DHX35: variants seen among roughly 807,000 people sequenced by gnomAD.
The protein encoded by DHX35 is probable ATP-dependent RNA helicase DHX35.
A neutral mutation model predicts 99.6 loss-of-function variants in DHX35; 84 were observed. The ratio of observed to expected loss-of-function variants is 0.84; its 90% CI spans 0.71 to 1.01. The LOEUF is 1.01. Among genes scored for constraint, DHX35 ranks in the 50% least tolerant of loss-of-function variants. The pLI, the probability that DHX35 is intolerant of heterozygous loss-of-function variation, is 0.00. For missense variants in DHX35, 852 were observed against 888.5 expected (o/e 0.96, Z 0.52); for synonymous variants, 331 against 316.2 (o/e 1.05, Z -0.50).
At chr20:39,010,595 ATTC>A (rs2086687716) in intron 13 of DHX35, among the ~76,000 whole-genome samples, 191 bp downstream of exon 13, 2 of 152,190 alleles carry the variant, frequency 1.3e-5, no homozygotes, top group Non-Finnish European at 2.9e-5. Flanking sequence ...CTCAATTCCT[ATTC>A]TTACATAGTT....
At chr20:39,025,996 C>G (rs893541450) in intron 18 of DHX35, among the ~76,000 whole-genome samples, 2 of 152,134 alleles carry the variant, frequency 1.3e-5, no homozygotes, top group Non-Finnish European at 2.9e-5. Flanking sequence ...AGATTAAATT[C>G]AGGACCACGC....
At chr20:38,962,516 G>A in intron 1 of DHX35, 109 bp downstream of exon 1, 2 of 1,384,556 alleles carry the variant, frequency 1.4e-6, no homozygotes, top group Non-Finnish European at 2.0e-6. Context: ...TGACCTCGGC[G>A]AGCTGGGCGC....
chr20:39,010,539 C>A, intron 13 of DHX35, 135 bp downstream of exon 13: 1 of 1,261,642 alleles, frequency 7.9e-7, no homozygotes, highest in Admixed American at 2.7e-5. Flanking sequence ...TGCTTTGCAA[C>A]CAGGCCCTGT....
chr20:38,975,037 G>A (rs1441749194), intron 3 of DHX35, among the ~76,000 whole-genome samples: 1 of 152,172 alleles, frequency 6.6e-6, no homozygotes, highest in Non-Finnish European at 1.5e-5. Flanking sequence ...ACAATGTGTT[G>A]TTGACTGTTT....
chr20:38,984,578 A>G (rs1403195400), intron 4 of DHX35, among the ~76,000 whole-genome samples: 1 of 152,234 alleles, frequency 6.6e-6, no homozygotes, highest in Non-Finnish European at 1.5e-5. Context: ...GTAAGAAAAA[A>G]GAGTACAAAA....
intron 1 of DHX35, among the ~76,000 whole-genome samples, chr20:38,963,614 T>C (rs1265659617): frequency 6.6e-6 from 1 of 152,240 alleles, no homozygotes; most frequent in Non-Finnish European, 1.5e-5. Context: ...GTGAAAGTGT[T>C]AGGTATAATA....
chr20:39,034,596 T>C (rs2087116221), intron 21 of DHX35, among the ~76,000 whole-genome samples: 1 of 125,764 alleles, frequency 8.0e-6, no homozygotes, highest in Non-Finnish European at 1.7e-5. Context: ...AACTATTTTT[T>C]TTTTTTTTTT....
Position 38,988,913 on chromosome 20 carries a change from T to C in DHX35, c.446T>C (p.Ile149Thr). ...DDCTDQLATR[I>T]KFLTDGMLVR... The stretch of plus-strand genomic sequence containing the variant: ...TGCACCGACCAGCTGGCCACGAGAA[T>C]TAAGGTAAAGTGCTCAAGCTGCTTT... The change falls in exon 5 of 22, where the codon ATT becomes ACT. Residue 149 changes from isoleucine to threonine, a missense_variant. Transcript: ENST00000252011. The C allele has an allele frequency of 6.2e-7, 1 of 1,612,398 alleles. No individual in the cohort carries two copies.
chr20:39,011,700 T>G (rs961695091), intron 13 of DHX35, among the ~76,000 whole-genome samples: 1 of 152,240 alleles, frequency 6.6e-6, no homozygotes, highest in African/African-American at 2.4e-5. Context: ...TAATACATAT[T>G]CTCTCATATT....
intron 1 of DHX35, among the ~76,000 whole-genome samples, chr20:38,968,636 C>T (rs1257677084): frequency 1.3e-5 from 2 of 152,138 alleles, no homozygotes; most frequent in African/African-American, 2.4e-5. Context: ...CAACCCCTGC[C>T]TCCTGGATTC....
At chr20:38,975,965 A>G (rs2086069294) in intron 3 of DHX35, among the ~76,000 whole-genome samples, 1 of 152,204 alleles carries the variant, frequency 6.6e-6, no homozygotes, top group African/African-American at 2.4e-5. Context: ...ATTTGGAACA[A>G]TGATAAATAT....
At chr20:38,989,697 G>T (rs1285553588) in intron 5 of DHX35, among the ~76,000 whole-genome samples, 2 of 152,096 alleles carry the variant, frequency 1.3e-5, no homozygotes, top group Admixed American at 1.3e-4. Context: ...TAGAATTCAT[G>T]AATGTTGTTT....
At chr20:38,971,549 A>T (rs1275656247) in intron 2 of DHX35, among the ~76,000 whole-genome samples, 1 of 152,070 alleles carries the variant, frequency 6.6e-6, no homozygotes, top group Non-Finnish European at 1.5e-5. Context: ...AGTCTTATAA[A>T]TGCCTCCTGA....
intron 3 of DHX35, among the ~76,000 whole-genome samples, chr20:38,977,051 T>C (rs367699340): frequency 6.6e-6 from 1 of 152,204 alleles, no homozygotes. Flanking sequence ...TTGTGAATAG[T>C]GATGGGAGTG....
chr20:38,977,912 C>A, intron 3 of DHX35: 1 of 584,122 alleles, frequency 1.7e-6, no homozygotes, highest in South Asian at 1.5e-5. Flanking sequence ...TCTTCAGTTT[C>A]CTCATCATCA....
At chr20:39,006,467 T>TGTGAGGAAGG in intron 12 of DHX35, 111 bp downstream of exon 12, 1 of 1,126,526 alleles carries the variant, frequency 8.9e-7, no homozygotes, top group Non-Finnish European at 1.3e-6. Flanking sequence ...ATACAGGCCT[T>TGTGAGGAAGG]CCTCACAAGG....
At chr20:39,022,258 A>G (rs767023160) in intron 16 of DHX35, among the ~76,000 whole-genome samples, 16 of 152,130 alleles carry the variant, frequency 1.1e-4, no homozygotes, top group East Asian at 7.7e-4. Context: ...TCTGCCTCCC[A>G]GGTTCAAGTG....
intron 10 of DHX35, among the ~76,000 whole-genome samples, chr20:39,003,422 T>C (rs1455933232): frequency 6.6e-6 from 1 of 152,250 alleles, no homozygotes; most frequent in Non-Finnish European, 1.5e-5. Flanking sequence ...GCAACTTGTC[T>C]ATATGCATGA....
intron 20 of DHX35, among the ~76,000 whole-genome samples, chr20:39,032,718 T>A (rs2087076207): frequency 6.6e-6 from 1 of 152,098 alleles, no homozygotes; most frequent in Admixed American, 6.6e-5. Context: ...CCATGCCAAG[T>A]CCCATTCAAT....
Sources: gnomAD v4.1 joint callset for allele counts (sites outside exome capture counted in the v4.1 genomes callset) on GRCh38, gnomAD v4.1.1 for gene constraint, MANE v1.5 for transcripts, NCBI Gene and HGNC (gene_info 2026-07-23, HGNC 2026-07-21) for gene names.